SNTG2: variants seen among roughly 807,000 people sequenced by gnomAD.
SNTG2 encodes syntrophin gamma 2.
In SNTG2, 74 loss-of-function variants were observed where a neutral mutation model predicts 70.9. The observed-to-expected ratio is 1.04, with a 90% CI of 0.86 to 1.27. The LOEUF (loss-of-function observed/expected upper bound fraction) is 1.27. Among genes scored for constraint, SNTG2 ranks in the 50% most tolerant of loss-of-function variants. The probability of loss-of-function intolerance (pLI) is 0.00; values close to 1 mark genes in which losing one functional copy is unlikely to be tolerated. For synonymous variants in SNTG2, 278 were observed against 273.8 expected (o/e 1.02, Z -0.15); for missense variants, 717 against 690.7 (o/e 1.04, Z -0.43).
At chr2:1,103,022 G>A (rs1295774526) in intron 4 of SNTG2, among the ~76,000 whole-genome samples, 2 of 152,146 alleles carry the variant, frequency 1.3e-5, no homozygotes, top group Non-Finnish European at 2.9e-5. Flanking sequence ...CCACACCCTG[G>A]AGCCCCCGCC....
intron 16 of SNTG2, among the ~76,000 whole-genome samples, chr2:1,362,878 C>T (rs1404816922): frequency 6.6e-6 from 1 of 152,082 alleles, no homozygotes; most frequent in Non-Finnish European, 1.5e-5. Flanking sequence ...GTAGAACTTC[C>T]ATGAAAGTCA....
At chr2:1,228,950 C>T (rs955990627) in intron 9 of SNTG2, among the ~76,000 whole-genome samples, 2 of 151,968 alleles carry the variant, frequency 1.3e-5, no homozygotes, top group African/African-American at 4.8e-5. Context: ...TGTTACAGCT[C>T]TTAAGGCGGT....
chr2:1,095,232 A>C (rs1261361354), intron 2 of SNTG2, among the ~76,000 whole-genome samples: 3 of 152,198 alleles, frequency 2.0e-5, no homozygotes, highest in Non-Finnish European at 4.4e-5. Context: ...ACTGGAGGTC[A>C]GGACTTCAAC....
intron 1 of SNTG2, among the ~76,000 whole-genome samples, chr2:984,535 G>A (rs959012959): frequency 1.3e-5 from 2 of 152,024 alleles, no homozygotes; most frequent in Admixed American, 6.6e-5. Context: ...ATCCCCTCTC[G>A]TCCTCCCTGG....
chr2:1,213,790 T>C (rs1558538708), intron 9 of SNTG2, among the ~76,000 whole-genome samples: 1 of 152,236 alleles, frequency 6.6e-6, no homozygotes, highest in Non-Finnish European at 1.5e-5. Flanking sequence ...TTGTTTCTTC[T>C]GTCACCTGTG....
At chr2:1,226,483 G>T (rs1675786460) in intron 9 of SNTG2, among the ~76,000 whole-genome samples, 1 of 152,164 alleles carries the variant, frequency 6.6e-6, no homozygotes, top group African/African-American at 2.4e-5. Context: ...CACCCCATCA[G>T]TATGGAAAGA....
At chr2:1,206,605 G>T (rs1673648890) in intron 8 of SNTG2, among the ~76,000 whole-genome samples, 1 of 152,142 alleles carries the variant, frequency 6.6e-6, no homozygotes, top group Non-Finnish European at 1.5e-5. Context: ...TTTTCCAGAG[G>T]AAAGTACATT....
intron 1 of SNTG2, among the ~76,000 whole-genome samples, chr2:1,011,116 C>G (rs537961828): frequency 1.3e-5 from 2 of 152,338 alleles, no homozygotes; most frequent in Admixed American, 1.3e-4. Flanking sequence ...GTTATAAAAA[C>G]ATGATCAGCA....
intron 1 of SNTG2, among the ~76,000 whole-genome samples, chr2:1,050,090 TTATATG>T (rs1289684170): frequency 6.6e-6 from 1 of 152,228 alleles, no homozygotes; most frequent in Non-Finnish European, 1.5e-5. Flanking sequence ...TCTTTACATG[TTATATG>T]TATGAGTCTT....
At chr2:1,064,637 T>C (rs1663036868) in intron 1 of SNTG2, among the ~76,000 whole-genome samples, 2 of 152,260 alleles carry the variant, frequency 1.3e-5, no homozygotes, top group East Asian at 3.9e-4. Flanking sequence ...AAAGCTTTTA[T>C]TCTCAGCTAG....
At chr2:1,218,418 T>C (rs537427369) in intron 9 of SNTG2, among the ~76,000 whole-genome samples, 5 of 152,184 alleles carry the variant, frequency 3.3e-5, no homozygotes, top group Non-Finnish European at 5.9e-5. Context: ...AACCTCTGTT[T>C]CCCTCTGGAA....
chr2:1,114,488 C>G (rs957664469), intron 4 of SNTG2, among the ~76,000 whole-genome samples: 9 of 151,950 alleles, frequency 5.9e-5, no homozygotes, highest in African/African-American at 2.2e-4. Context: ...CCCTTACAGT[C>G]CTTTGAGGAG....
chr2:1,250,373 G>T (rs2148137880), intron 12 of SNTG2, among the ~76,000 whole-genome samples: 1 of 152,196 alleles, frequency 6.6e-6, no homozygotes. Context: ...CTCTCTCCCT[G>T]TCTCTCTGTC....
intron 1 of SNTG2, among the ~76,000 whole-genome samples, chr2:1,073,126 G>A (rs982221785): frequency 6.6e-6 from 1 of 152,230 alleles, no homozygotes; most frequent in Non-Finnish European, 1.5e-5. Flanking sequence ...AGAGGATCTA[G>A]AATATTCCGT....
chr2:1,340,694 TTTA>T (rs1236872000), intron 16 of SNTG2, among the ~76,000 whole-genome samples: 2 of 152,266 alleles, frequency 1.3e-5, no homozygotes, highest in Non-Finnish European at 2.9e-5. Flanking sequence ...ATAGTGACAT[TTTA>T]TTATTATTTG....
intron 6 of SNTG2, chr2:1,160,199 T>G (rs1294615849): frequency 6.6e-6 from 1 of 152,174 alleles, no homozygotes; most frequent in Non-Finnish European, 1.5e-5. Flanking sequence ...TGGATTAAAA[T>G]GCACATACAT....
intron 14 of SNTG2, among the ~76,000 whole-genome samples, chr2:1,306,604 CAGGACTG>C (rs1006557612): frequency 6.6e-6 from 1 of 152,086 alleles, no homozygotes; most frequent in Non-Finnish European, 1.5e-5. Flanking sequence ...GGAGCCGTGG[CAGGACTG>C]AGGACTGAGG....
chr2:1,020,003 A>G (rs1660071288), intron 1 of SNTG2, among the ~76,000 whole-genome samples: 1 of 152,232 alleles, frequency 6.6e-6, no homozygotes, highest in Non-Finnish European at 1.5e-5. Context: ...AGATCGTGCC[A>G]CTGCACTCCA....
Position 1,367,547 on chromosome 2 carries a change from A to G in SNTG2, c.*73A>G. ...ATGATTCTTTCCTGCAGAATATTGC[A>G]ACTTTGTGTTGTTTTATGATGAGCC... On this transcript the variant is annotated 3_prime_UTR_variant, in exon 17 of 17. Coordinates refer to ENST00000308624, the MANE Select transcript of SNTG2 (RefSeq NM_018968.4). 6.6e-7 allele frequency: 1 copy of G among 1,507,050 alleles called. No homozygotes were observed. Among genetic ancestry groups the G allele is most frequent in the Admixed American group, 2.1e-5 (1 of 47,928 alleles). The allele number at this position is 1,507,050 out of a possible 1,614,324, so 93.4% of individuals were successfully genotyped here. A position where few individuals can be genotyped will look rare whatever the true frequency, so the allele number is the denominator to read the frequency against.
Sources: allele counts gnomAD v4.1 joint callset (sites outside exome capture counted in the v4.1 genomes callset), GRCh38; gene constraint gnomAD v4.1.1; transcripts MANE v1.5; gene names NCBI Gene and HGNC (gene_info 2026-07-23, HGNC 2026-07-21).